SERPINA3: variants seen among roughly 807,000 people sequenced by gnomAD.
The protein encoded by SERPINA3 is serpin family A member 3.
Under a neutral mutation model 26.8 loss-of-function variants are expected in SERPINA3, and 32 were observed. The observed-to-expected ratio is 1.20, with a 90% confidence interval of 0.90 to 1.61. The LOEUF is 1.61. SERPINA3 is among the 40% of genes most tolerant of loss of function. The pLI is 0.00. For missense variants in SERPINA3, 632 were observed against 517.9 expected (o/e 1.22, Z -2.14); for synonymous variants, 252 against 206.4 (o/e 1.22, Z -1.89).
chr14:94,622,279 G>A, intron 3 of SERPINA3, 62 bp from the exon 4 acceptor site: 1 of 1,525,872 alleles, frequency 6.6e-7, no homozygotes, highest in Non-Finnish European at 9.1e-7. Flanking sequence ...ATGCTGCGAG[G>A]TGGGAGGCAG....
intron 2 of SERPINA3, 165 bp from the exon 3 acceptor site, chr14:94,619,030 C>G: frequency 1.1e-5 from 8 of 740,742 alleles, no homozygotes; most frequent in Non-Finnish European, 1.9e-5. Flanking sequence ...GCCTGCTGGG[C>G]TCTCCCTCAC....
In SERPINA3 at chr14:94,614,744, A is replaced by G. The variant is rs17826465; in HGVS notation, c.303A>G (p.Lys101=). 0.098 allele frequency: 158,180 copies of G among 1,614,086 alleles called. 8,645 individuals carry two copies. The highest frequency in any genetic ancestry group is 0.14 in the Middle Eastern group (871 of 6,062). ...AHNTTLTEIL[K]GLKFNLTETS... ...ATACCACCCTGACAGAGATTCTCAA[A>G]GGCCTCAAGTTCAACCTCACGGAGA... Residue 101 remains lysine (K), a synonymous_variant, in exon 2 of 5, where the codon AAA becomes AAG. Transcript: ENST00000393078.
At chr14:94,618,570 G>T in intron 2 of SERPINA3, 1 of 165,438 alleles carries the variant, frequency 6.0e-6, no homozygotes, top group Admixed American at 5.6e-5. Flanking sequence ...GTCCAACACC[G>T]CTATCCTCTA....
chr14:94,622,088 G>A lies in SERPINA3; in HGVS notation c.918-253G>A, dbSNP rs529501507. On this transcript the variant is annotated intron_variant, in intron 3 of 4. Transcript: ENST00000393078. ...TTGCAAGCTGCAGGGAAAGGGCAGG[G>A]CCAGGCTCGAGCAGGGCCACAACTC... 4.7e-4 allele frequency among the ~76,000 whole-genome samples: 72 copies of A among 152,360 alleles called. 2 individuals are homozygous for A. Among genetic ancestry groups the A allele is most frequent in the African/African-American group, 1.5e-3 (64 of 41,600 alleles).
intron 4 of SERPINA3, among the ~76,000 whole-genome samples, chr14:94,623,107 T>C (rs570124040): frequency 5.8e-4 from 89 of 152,274 alleles, no homozygotes; most frequent in African/African-American, 2.1e-3. Context: ...CAGACCCGTA[T>C]GGTTCAGGAA....
chr14:94,623,669 C>A lies in SERPINA3; in HGVS notation c.1127C>A (p.Thr376Lys), dbSNP rs778007551. Residue 376 changes from threonine to lysine, a missense_variant, in exon 5 of 5, where the codon ACA (threonine) becomes AAA (lysine). Coordinates refer to ENST00000393078, the MANE Select transcript of SERPINA3 (RefSeq NM_001085.5). ...FEEGTEASAA[T>K]AVKITLLSAL... ...GAGGGCACAGAAGCATCTGCTGCCA[C>A]AGCAGTCAAAATCACCCTCCTTTCT... The A allele has an allele frequency of 1.2e-6, 2 of 1,614,058 alleles. No individual in the cohort carries two copies. Among genetic ancestry groups the A allele is most frequent in the East Asian group, 4.5e-5 (2 of 44,894 alleles).
rs535278635 is a variant in SERPINA3 at position 94,617,328 on chromosome 14, G to A, written c.644-1867G>A. ...CCAGAGAAGCTGAGATGGTCTTTGGGGAGGGGAAAGGAAAGATGGACAGTT... is the reference window on the plus strand; with the variant it reads ...CCAGAGAAGCTGAGATGGTCTTTGGAGAGGGGAAAGGAAAGATGGACAGTT... On this transcript the variant is annotated intron_variant, in intron 2 of 4. Coordinates refer to ENST00000393078, the MANE Select transcript of SERPINA3 (RefSeq NM_001085.5). Among the ~76,000 whole-genome samples the A allele has an allele frequency of 2.0e-5, 3 of 152,276 alleles. No homozygotes were observed. The South Asian group carries it at 6.2e-4, about 32-fold the overall frequency.
At chr14:94,614,406 T>C in intron 1 of SERPINA3, 28 bp from the exon 2 acceptor site, 2 of 1,607,128 alleles carry the variant, frequency 1.2e-6, no homozygotes, top group Non-Finnish European at 1.7e-6. Flanking sequence ...TCTGGCCCTC[T>C]GAGACTTAAA....
Position 94,623,723 on chromosome 14 carries a change from G to C in SERPINA3, c.1181G>C (p.Arg394Pro), listed in dbSNP as rs377262300. ...SALVETRTIV[R>P]FNRPFLMIIV... Reference sequence around the variant, plus strand: ...TTAGTGGAGACAAGGACCATTGTGCGTTTCAACAGGCCCTTCCTGATGATC... The same window carrying C: ...TTAGTGGAGACAAGGACCATTGTGCCTTTCAACAGGCCCTTCCTGATGATC... Residue 394 changes from arginine to proline, a missense_variant, in exon 5 of 5, where the codon CGT becomes CCT. Coordinates refer to ENST00000393078, the MANE Select transcript of SERPINA3 (RefSeq NM_001085.5). 3.1e-6 allele frequency: 5 copies of C among 1,614,010 alleles called. No homozygotes were observed. In the African/African-American group the frequency reaches 6.7e-5, roughly 22 times the overall value.
chr14:94,623,198 G>T (rs1485174892), intron 4 of SERPINA3, among the ~76,000 whole-genome samples: 3 of 152,238 alleles, frequency 2.0e-5, no homozygotes. Context: ...ATGCTGGCTT[G>T]GCTGAGGAGG....
rs536399107 is a variant in SERPINA3, at chr14:94,619,315, G to A, written c.764G>A (p.Arg255Gln). 3.2e-5 allele frequency: 51 copies of A among 1,614,162 alleles called. No homozygotes were observed. Among genetic ancestry groups the A allele is most frequent in the Middle Eastern group, 3.3e-4 (2 of 6,062 alleles). ...SLHHLTIPYF[R>Q]DEELSCTVVE... ...CATCACCTGACTATACCTTACTTCC[G>A]GGACGAGGAGCTGTCCTGCACCGTG... Residue 255 changes from arginine (R) to glutamine (Q), a missense_variant, in exon 3 of 5, where the codon CGG becomes CAG. Arg to Gln is a conservative substitution (Grantham distance 43). Coordinates refer to ENST00000393078, the MANE Select transcript of SERPINA3 (RefSeq NM_001085.5).
rs1469951475 is a variant in SERPINA3 at position 94,623,656 on chromosome 14, G to C, written c.1114G>C (p.Ala372Pro). ...VLDVFEEGTEASAATAVKITL... is the reference protein window; with the variant it reads ...VLDVFEEGTEPSAATAVKITL... ...TGATGTATTTGAGGAGGGCACAGAAGCATCTGCTGCCACAGCAGTCAAAAT... is the reference window on the plus strand; with the variant it reads ...TGATGTATTTGAGGAGGGCACAGAACCATCTGCTGCCACAGCAGTCAAAAT... The change falls in exon 5 of 5, where the codon GCA becomes CCA. Residue 372 changes from alanine to proline, a missense_variant. Transcript: ENST00000393078. 1.2e-6 allele frequency: 2 copies of C among 1,614,170 alleles called. No individual in the cohort carries two copies. The highest frequency in any genetic ancestry group is 1.7e-6 in the Non-Finnish European group (2 of 1,180,034).
Position 94,614,669 on chromosome 14 carries a change from C to G in SERPINA3, c.228C>G (p.Ser76=). The stretch of plus-strand genomic sequence containing the variant: ...CCCCTGATAAGAATGTCATCTTCTC[C>G]CCACTGAGCATCTCCACCGCCTTGG... ...LKAPDKNVIF[S]PLSISTALAF... The change falls in exon 2 of 5, where the codon TCC becomes TCG. Residue 76 remains serine (S), a synonymous_variant. Transcript: ENST00000393078. 1 of 1,614,044 alleles carries G rather than the reference C, an allele frequency of 6.2e-7. No individual in the cohort carries two copies.
intron 1 of SERPINA3, 123 bp downstream of exon 1, chr14:94,612,570 G>A: frequency 2.1e-6 from 1 of 485,986 alleles, no homozygotes; most frequent in Non-Finnish European, 3.7e-6. Flanking sequence ...GGTGTACTCA[G>A]GTGTTAGGGG....
chr14:94,623,978 A>C lies in SERPINA3; in HGVS notation c.*164A>C. On this transcript the variant is annotated 3_prime_UTR_variant, in exon 5 of 5. Transcript: ENST00000393078. ...GACAGCGATTCCCTGTGTAGCTCTCACATGCACAGGGGCCCATGGACTCTT... is the reference window on the plus strand; with the variant it reads ...GACAGCGATTCCCTGTGTAGCTCTCCCATGCACAGGGGCCCATGGACTCTT... 1.4e-6 allele frequency: 1 copy of C among 702,946 alleles called. No homozygotes were observed. The highest frequency in any genetic ancestry group is 2.7e-5 in the East Asian group (1 of 37,486). The allele number at this position is 702,946 out of a possible 1,614,324, so 43.5% of individuals were successfully genotyped here. A position where few individuals can be genotyped will look rare whatever the true frequency, so the allele number is the denominator to read the frequency against.
Position 94,623,914 on chromosome 14 carries a change from C to T in SERPINA3, c.*100C>T. 9.5e-7 allele frequency: 1 copy of T among 1,051,566 alleles called. No individual in the cohort carries two copies. The highest frequency in any genetic ancestry group is 1.5e-6 in the Non-Finnish European group (1 of 678,432). The allele number at this position is 1,051,566 out of a possible 1,614,324, so 65.1% of individuals were successfully genotyped here. A position where few individuals can be genotyped will look rare whatever the true frequency, so the allele number is the denominator to read the frequency against. On this transcript the variant is annotated 3_prime_UTR_variant, in exon 5 of 5. Coordinates refer to ENST00000393078, the MANE Select transcript of SERPINA3 (RefSeq NM_001085.5). ...GCCTGGCCCCTGTGCACCGAGTGGC[C>T]ATGGCATGTGTGGCCCTGTCTGCTT... is the stretch of plus-strand genomic sequence containing the variant.
chr14:94,619,676 G>A (rs563608605), intron 3 of SERPINA3: 8 of 621,638 alleles, frequency 1.3e-5, no homozygotes, highest in East Asian at 1.1e-4. Context: ...AGGGGCTGAG[G>A]CTTCCTCTGA....
chr14:94,618,844 A>G, intron 2 of SERPINA3: 1 of 421,302 alleles, frequency 2.4e-6, no homozygotes, highest in Non-Finnish European at 4.4e-6. Flanking sequence ...CTTTTATGGA[A>G]CAAAGGCTGT....
At chr14:94,617,822 A>C (rs1886057257) in intron 2 of SERPINA3, 1 of 152,192 alleles carries the variant, frequency 6.6e-6, no homozygotes. Flanking sequence ...TAAAGGGCCT[A>C]GTAGTATGTA....
Sources: gnomAD v4.1 joint callset for allele counts (sites outside exome capture counted in the v4.1 genomes callset) on GRCh38, gnomAD v4.1.1 for gene constraint, MANE v1.5 for transcripts, NCBI Gene and HGNC (gene_info 2026-07-23, HGNC 2026-07-21) for gene names.